COBL: variants seen among roughly 807,000 people sequenced by gnomAD.
COBL encodes the protein protein cordon-bleu.
A neutral mutation model predicts 98.8 loss-of-function variants in COBL; 51 were observed. That is an observed-to-expected ratio of 0.52 (90% CI 0.41 to 0.65). The LOEUF (loss-of-function observed/expected upper bound fraction) is 0.65, where lower values mean the gene tolerates loss of function less well. Ranked by LOEUF, COBL falls within the 30% of genes least tolerant of loss-of-function variation. COBL has a pLI of 0.00. For missense variants in COBL, 1,617 were observed against 1,617.5 expected, an observed-to-expected ratio of 1.00 and a Z score of 0.01; for synonymous variants, 634 against 651.7, an observed-to-expected ratio of 0.97 and a Z score of 0.41.
chr7:51,236,602 T>C (rs1192769487), intron 1 of COBL, among the ~76,000 whole-genome samples: 2 of 152,052 alleles, frequency 1.3e-5, no homozygotes, highest in African/African-American at 2.4e-5. Context: ...TGAGCTGAAA[T>C]TTAGGGTAGT....
Position 51,025,258 on chromosome 7 carries a change from G to GTGGGGGGGGGGGGGGGGGGGGGGGGGGA in COBL, c.3618_3619insTCCCCCCCCCCCCCCCCCCCCCCCCCCA (p.Pro1207SerfsTer90). 1.4e-6 allele frequency: 1 copy of GTGGGGGGGGGGGGGGGGGGGGGGGGGGA among 725,724 alleles called. No homozygotes were observed. The highest frequency in any genetic ancestry group is 2.4e-6 in the Non-Finnish European group (1 of 411,538). 45.0% of individuals were successfully genotyped at this position (725,724 alleles called of 1,614,324 possible). ...TGGGAGGGTGGAGGGGGTGGTGGGG[G>GTGGGGGGGGGGGGGGGGGGGGGGGGGGA]AATGGCTGGTGGGGACAGAAGACCA... On this transcript the variant is annotated frameshift_variant, in exon 12 of 13. Transcript: ENST00000265136. LOFTEE classifies it high-confidence loss of function.
chr7:51,272,466 T>C (rs1798848796), intron 1 of COBL, among the ~76,000 whole-genome samples: 1 of 152,168 alleles, frequency 6.6e-6, no homozygotes, highest in African/African-American at 2.4e-5. Flanking sequence ...TAGTTAAAAT[T>C]AGAAGAATCA....
At chr7:51,042,362 TAATTC>T (rs1233495914) in intron 8 of COBL, among the ~76,000 whole-genome samples, 1 of 152,206 alleles carries the variant, frequency 6.6e-6, no homozygotes, top group Non-Finnish European at 1.5e-5. Flanking sequence ...ATGTTTAATT[TAATTC>T]AATTCTTTTT....
chr7:51,061,596 G>A (rs759729010), intron 7 of COBL, among the ~76,000 whole-genome samples: 8 of 152,082 alleles, frequency 5.3e-5, no homozygotes, highest in Admixed American at 1.3e-4. Context: ...GTGGTGAAAC[G>A]TTATTTCTGG....
At chr7:51,102,937 T>G (rs1220615446) in intron 6 of COBL, among the ~76,000 whole-genome samples, 1 of 152,140 alleles carries the variant, frequency 6.6e-6, no homozygotes, top group Non-Finnish European at 1.5e-5. Context: ...GTTGAAGGGG[T>G]ACAAAGTTCC....
intron 5 of COBL, among the ~76,000 whole-genome samples, chr7:51,166,914 T>C (rs1156743255): frequency 1.3e-5 from 2 of 152,112 alleles, no homozygotes; most frequent in East Asian, 1.9e-4. Context: ...CCCTTCATGA[T>C]AAAAATTCTC....
chr7:51,237,710 T>C (rs550743463), intron 1 of COBL, among the ~76,000 whole-genome samples: 1 of 152,240 alleles, frequency 6.6e-6, no homozygotes, highest in Non-Finnish European at 1.5e-5. Context: ...CATGGTCCGT[T>C]AAAAACAAAA....
chr7:51,037,043 T>G (rs576952411), intron 8 of COBL, among the ~76,000 whole-genome samples: 1 of 152,264 alleles, frequency 6.6e-6, no homozygotes, highest in East Asian at 1.9e-4. Flanking sequence ...CTCCTCTACT[T>G]CCCCATCCAT....
At chr7:51,186,622 A>G (rs1789543079) in intron 4 of COBL, among the ~76,000 whole-genome samples, 1 of 152,218 alleles carries the variant, frequency 6.6e-6, no homozygotes, top group East Asian at 1.9e-4. Flanking sequence ...ATGCCCCTCA[A>G]TAGTGGGAGA....
intron 7 of COBL, among the ~76,000 whole-genome samples, chr7:51,050,680 C>A (rs1337140641): frequency 1.3e-5 from 2 of 152,164 alleles, no homozygotes; most frequent in African/African-American, 2.4e-5. Context: ...GCCATTTTAA[C>A]CAGCACAGGG....
At chr7:51,178,855 C>T (rs1229295059) in intron 5 of COBL, among the ~76,000 whole-genome samples, 2 of 152,098 alleles carry the variant, frequency 1.3e-5, no homozygotes, top group African/African-American at 2.4e-5. Flanking sequence ...GCGATCCACC[C>T]GCCTTGGCCT....
chr7:51,231,790 A>G (rs1368121728), intron 1 of COBL, among the ~76,000 whole-genome samples: 1 of 152,152 alleles, frequency 6.6e-6, no homozygotes, highest in Non-Finnish European at 1.5e-5. Context: ...GGACCCCCAC[A>G]CACCCGCAGA....
At chr7:51,220,540 A>T (rs774761668) in intron 1 of COBL, among the ~76,000 whole-genome samples, 7 of 151,930 alleles carry the variant, frequency 4.6e-5, no homozygotes, top group Non-Finnish European at 8.8e-5. Context: ...CTAACGCATA[A>T]CCCCCTTTGC....
At chr7:51,030,767 T>G (rs1462419947) in intron 9 of COBL, 45 bp downstream of exon 9, 1 of 1,284,494 alleles carries the variant, frequency 7.8e-7, no homozygotes, top group Non-Finnish European at 1.1e-6. Flanking sequence ...TGGCACCTAC[T>G]TTCATGCAGC....
At chr7:51,284,307 A>G (rs755045054) in intron 1 of COBL, among the ~76,000 whole-genome samples, 40 of 151,736 alleles carry the variant, frequency 2.6e-4, no homozygotes, top group Non-Finnish European at 5.3e-4. Context: ...TCTCAAAAAA[A>G]AAAGAAAAAA....
chr7:51,095,062 A>C (rs1583772834), intron 6 of COBL, among the ~76,000 whole-genome samples: 1 of 152,210 alleles, frequency 6.6e-6, no homozygotes, highest in Non-Finnish European at 1.5e-5. Context: ...TCATGCTGCT[A>C]ATTAATAAAG....
chr7:51,224,243 G>A (rs770483864), intron 1 of COBL, among the ~76,000 whole-genome samples: 1 of 152,188 alleles, frequency 6.6e-6, no homozygotes, highest in African/African-American at 2.4e-5. Context: ...CTATCATTAA[G>A]CTATGTATGA....
At position 51,236,253 on chromosome 7, in the gene COBL, G is replaced by C. The variant is rs558576407; in HGVS notation, c.42-16309C>G. On this transcript the variant is annotated intron_variant, in intron 1 of 12. Transcript: ENST00000265136. ...GGAAAAATCCAGTTTCTGTTTGCAA[G>C]TGATTTAAAACATAGAGGGGGATTC... Among the ~76,000 whole-genome samples the C allele has an allele frequency of 3.9e-5, 6 of 152,356 alleles. No individual in the cohort carries two copies. In the East Asian group the frequency reaches 1.2e-3, roughly 29 times the overall value.
intron 1 of COBL, among the ~76,000 whole-genome samples, chr7:51,308,616 C>T (rs1802709593): frequency 6.6e-6 from 1 of 152,182 alleles, no homozygotes; most frequent in African/African-American, 2.4e-5. Flanking sequence ...GATAAGACAA[C>T]GCTTTGCCAA....
Sources: gnomAD v4.1 joint callset for allele counts (sites outside exome capture counted in the v4.1 genomes callset) on GRCh38, gnomAD v4.1.1 for gene constraint, MANE v1.5 for transcripts, NCBI Gene and HGNC (gene_info 2026-07-23, HGNC 2026-07-21) for gene names.